VAV3: variants seen among roughly 807,000 people sequenced by gnomAD.
VAV3 encodes the protein guanine nucleotide exchange factor VAV3.
A neutral mutation model predicts 131.2 loss-of-function variants in VAV3; 94 were observed. The ratio of observed to expected loss-of-function variants is 0.72; its 90% confidence interval spans 0.61 to 0.85. The LOEUF (loss-of-function observed/expected upper bound fraction) is 0.85. Among genes scored for constraint, VAV3 ranks in the 40% least tolerant of loss-of-function variants. The pLI is 0.00. For synonymous variants in VAV3, 349 were observed against 342.0 expected (o/e 1.02, Z -0.22); for missense variants, 939 against 1,002.7 (o/e 0.94, Z 0.86).
At chr1:107,696,338 T>A (rs1233247282) in intron 17 of VAV3, among the ~76,000 whole-genome samples, 2 of 152,250 alleles carry the variant, frequency 1.3e-5, no homozygotes, top group Non-Finnish European at 2.9e-5. Context: ...TTTGAAAATA[T>A]ACAATAAATT....
chr1:107,654,085 A>T lies in VAV3; in HGVS notation c.1778-11330T>A, dbSNP rs575818204. 9.9e-5 allele frequency among the ~76,000 whole-genome samples: 15 copies of T among 152,242 alleles called. No individual in the cohort carries two copies. In the East Asian group the frequency reaches 2.9e-3, roughly 29 times the overall value. ...TAAGTCCAGTTGCATATTCTAGCTA[A>T]AAGCAAAAGTGGTGTTCTTTCCAAA... On this transcript the variant is annotated intron_variant, in intron 19 of 26. Transcript: ENST00000370056.
At chr1:107,881,154 A>T (rs995150365) in intron 1 of VAV3, among the ~76,000 whole-genome samples, 2 of 152,150 alleles carry the variant, frequency 1.3e-5, no homozygotes. Flanking sequence ...TACTAGAGAG[A>T]TGATGTGGCA....
intron 2 of VAV3, among the ~76,000 whole-genome samples, chr1:107,818,835 C>A (rs1398556981): frequency 6.6e-6 from 1 of 152,194 alleles, no homozygotes; most frequent in Non-Finnish European, 1.5e-5. Context: ...CAGCCCTCCC[C>A]TCTCGACATG....
At chr1:107,898,154 T>G (rs1179884054) in intron 1 of VAV3, among the ~76,000 whole-genome samples, 1 of 151,974 alleles carries the variant, frequency 6.6e-6, no homozygotes, top group Non-Finnish European at 1.5e-5. Context: ...ATGACCTCAT[T>G]TTGGAAAATA....
chr1:107,866,587 C>T (rs188925078), intron 2 of VAV3, among the ~76,000 whole-genome samples: 12 of 151,922 alleles, frequency 7.9e-5, no homozygotes, highest in Admixed American at 3.9e-4. Context: ...GAGGGAGAGG[C>T]GGGTGGATCA....
chr1:107,629,574 T>G (rs1654293926), intron 20 of VAV3, among the ~76,000 whole-genome samples: 1 of 152,170 alleles, frequency 6.6e-6, no homozygotes, highest in Non-Finnish European at 1.5e-5. Flanking sequence ...TTATATTCAT[T>G]TCACTTGAAG....
At chr1:107,601,034 G>C (rs181215622) in intron 24 of VAV3, among the ~76,000 whole-genome samples, 1 of 152,132 alleles carries the variant, frequency 6.6e-6, no homozygotes. Flanking sequence ...GCAGAGATGT[G>C]GAGAGCCCCT....
intron 2 of VAV3, among the ~76,000 whole-genome samples, chr1:107,836,349 G>C (rs1323161636): frequency 1.3e-5 from 2 of 152,020 alleles, no homozygotes; most frequent in Non-Finnish European, 2.9e-5. Flanking sequence ...ACAAAATGAA[G>C]GTGGAAATCA....
rs1166522177 is a variant in VAV3 at position 107,620,797 on chromosome 1, T to C, written c.1915-3165A>G. ...TAAAAGAGTAGGAAAAAGAGATGAA[T>C]TTTTTAGCTGATGAAAGTGTATGGA... On this transcript the variant is annotated intron_variant, in intron 20 of 26. Transcript: ENST00000370056. 6.6e-5 allele frequency among the ~76,000 whole-genome samples: 10 copies of C among 152,244 alleles called. No individual in the cohort carries two copies. The South Asian group carries it at 1.9e-3, about 28-fold the overall frequency.
At chr1:107,688,016 A>G (rs1336437577) in intron 18 of VAV3, among the ~76,000 whole-genome samples, 2 of 152,238 alleles carry the variant, frequency 1.3e-5, no homozygotes, top group African/African-American at 4.8e-5. Flanking sequence ...CACTAATTCT[A>G]CGGAATTTCA....
At chr1:107,850,350 A>T (rs974238452) in intron 2 of VAV3, among the ~76,000 whole-genome samples, 14 of 152,228 alleles carry the variant, frequency 9.2e-5, no homozygotes, top group African/African-American at 2.9e-4. Flanking sequence ...GACTGGATAA[A>T]GAAAATGTGG....
chr1:107,949,139 T>C (rs1289320973), intron 1 of VAV3, among the ~76,000 whole-genome samples: 1 of 152,218 alleles, frequency 6.6e-6, no homozygotes, highest in Non-Finnish European at 1.5e-5. Flanking sequence ...GCCCTTAGGC[T>C]CAAAGTCAGA....
chr1:107,914,243 A>G (rs1672509312), intron 1 of VAV3, among the ~76,000 whole-genome samples: 1 of 152,234 alleles, frequency 6.6e-6, no homozygotes, highest in Admixed American at 6.5e-5. Context: ...GCAGAGCCAG[A>G]CAGAAATGTA....
At chr1:107,960,663 C>T (rs1265447250) in intron 1 of VAV3, among the ~76,000 whole-genome samples, 4 of 152,134 alleles carry the variant, frequency 2.6e-5, no homozygotes, top group Non-Finnish European at 2.9e-5. Flanking sequence ...TCCAACCACA[C>T]TGACCCTGCT....
chr1:107,770,315 C>T (rs1443937804), intron 6 of VAV3, among the ~76,000 whole-genome samples: 1 of 151,932 alleles, frequency 6.6e-6, no homozygotes, highest in Non-Finnish European at 1.5e-5. Context: ...TATGCCCCTG[C>T]CTTATTTTTC....
chr1:107,617,561 A>AC lies in VAV3; in HGVS notation c.1980+5dup. ...AGCAAGAGAAAATTAAGATACTAATACTTACACATGGGCAAGGCTTGACTG... is the reference window on the plus strand; with the variant it reads ...AGCAAGAGAAAATTAAGATACTAATACCTTACACATGGGCAAGGCTTGACTG... On this transcript the variant is annotated splice_donor_region_variant and intron_variant, in intron 21 of 26. Coordinates refer to ENST00000370056, the MANE Select transcript of VAV3 (RefSeq NM_006113.5). The AC allele has an allele frequency of 2.5e-6, 4 of 1,609,390 alleles. No individual in the cohort carries two copies. Among genetic ancestry groups the AC allele is most frequent in the Non-Finnish European group, 3.4e-6 (4 of 1,177,764 alleles).
At chr1:107,668,005 C>CCTGA (rs1657530872) in intron 19 of VAV3, among the ~76,000 whole-genome samples, 2 of 152,254 alleles carry the variant, frequency 1.3e-5, no homozygotes, top group Admixed American at 6.5e-5. Flanking sequence ...CTCAGCTGGT[C>CCTGA]CTCTCTCATC....
At chr1:107,598,997 A>G (rs1651623542) in intron 24 of VAV3, among the ~76,000 whole-genome samples, 1 of 152,168 alleles carries the variant, frequency 6.6e-6, no homozygotes, top group South Asian at 2.1e-4. Flanking sequence ...GAATTTTATG[A>G]TTTTTGCTAT....
At chr1:107,579,608 C>G (rs957399615) in intron 25 of VAV3, among the ~76,000 whole-genome samples, 1 of 152,248 alleles carries the variant, frequency 6.6e-6, no homozygotes, top group African/African-American at 2.4e-5. Flanking sequence ...ATCATTCCTA[C>G]TCTCAGAAAA....
Sources: allele counts gnomAD v4.1 joint callset (sites outside exome capture counted in the v4.1 genomes callset), GRCh38; gene constraint gnomAD v4.1.1; transcripts MANE v1.5; gene names NCBI Gene and HGNC (gene_info 2026-07-23, HGNC 2026-07-21).